The following THSD4 variants were observed in gnomAD, a reference collection of about 807,000 sequenced individuals.
THSD4 encodes thrombospondin type 1 domain containing 4.
In THSD4, 69 loss-of-function variants were observed where a neutral mutation model predicts 119.0. The ratio of observed to expected loss-of-function variants is 0.58; its 90% CI spans 0.48 to 0.71. The LOEUF (loss-of-function observed/expected upper bound fraction) is 0.71, where lower values mean the gene tolerates loss of function less well. Ranked by LOEUF, THSD4 falls within the 30% of genes least tolerant of loss-of-function variation. The pLI is 0.00. For missense variants in THSD4, 1,393 were observed against 1,391.1 expected (o/e 1.00, Z -0.02); for synonymous variants, 524 against 540.4 (o/e 0.97, Z 0.42).
chr15:71,533,533 A>G (rs1281909986), intron 7 of THSD4, among the ~76,000 whole-genome samples: 1 of 152,248 alleles, frequency 6.6e-6, no homozygotes, highest in Non-Finnish European at 1.5e-5. Context: ...AAATGTTTAC[A>G]TTATTTAAGA....
intron 7 of THSD4, among the ~76,000 whole-genome samples, chr15:71,591,269 G>A (rs1030381411): frequency 1.3e-5 from 2 of 152,134 alleles, no homozygotes; most frequent in Admixed American, 6.5e-5. Flanking sequence ...GGTGGAGTTC[G>A]GAATTGCAAT....
chr15:71,218,564 C>G (rs1489453542), intron 4 of THSD4, among the ~76,000 whole-genome samples: 1 of 151,786 alleles, frequency 6.6e-6, no homozygotes, highest in Non-Finnish European at 1.5e-5. Context: ...TTATCATGCT[C>G]TTGTGATTTG....
intron 7 of THSD4, among the ~76,000 whole-genome samples, chr15:71,539,598 C>T (rs8027858): frequency 1.3e-5 from 2 of 152,084 alleles, no homozygotes; most frequent in African/African-American, 4.8e-5. Context: ...TTGATACTCT[C>T]GTTTGTACCA....
chr15:71,648,799 C>T (rs963300770), intron 7 of THSD4, among the ~76,000 whole-genome samples: 5 of 152,100 alleles, frequency 3.3e-5, no homozygotes, highest in African/African-American at 9.7e-5. Context: ...CCAAGGGACG[C>T]GTCTCGAGGA....
At chr15:71,622,514 TGTCTCTTTAC>T (rs1416777199) in intron 7 of THSD4, among the ~76,000 whole-genome samples, 2 of 152,258 alleles carry the variant, frequency 1.3e-5, no homozygotes, top group Non-Finnish European at 2.9e-5. Flanking sequence ...AAATTCCGTA[TGTCTCTTTAC>T]TTCATTGCAA....
intron 3 of THSD4, among the ~76,000 whole-genome samples, chr15:71,156,071 A>G (rs1215837689): frequency 6.6e-6 from 1 of 152,220 alleles, no homozygotes; most frequent in Non-Finnish European, 1.5e-5. Flanking sequence ...GCAACTGAGC[A>G]GATCCTTGAT....
intron 8 of THSD4, among the ~76,000 whole-genome samples, chr15:71,692,992 G>A (rs975610831): frequency 1.3e-5 from 2 of 152,094 alleles, no homozygotes; most frequent in Non-Finnish European, 2.9e-5. Context: ...TGAGAGTGAA[G>A]TCCAAATTGC....
At chr15:71,377,393 C>T (rs1244658889) in intron 6 of THSD4, among the ~76,000 whole-genome samples, 2 of 151,948 alleles carry the variant, frequency 1.3e-5, no homozygotes, top group Non-Finnish European at 2.9e-5. Context: ...TCCTAGGAGA[C>T]AGCAGGAAAG....
chr15:71,354,039 A>G (rs920647561), intron 6 of THSD4, among the ~76,000 whole-genome samples: 3 of 152,252 alleles, frequency 2.0e-5, no homozygotes, highest in East Asian at 1.9e-4. Flanking sequence ...GCTCATGCCC[A>G]TAATCCCAGC....
chr15:71,255,278 A>G (rs771466443), intron 5 of THSD4, among the ~76,000 whole-genome samples: 2 of 152,228 alleles, frequency 1.3e-5, no homozygotes, highest in Non-Finnish European at 2.9e-5. Context: ...TAAACAGAGT[A>G]TAGCTTGGGT....
At position 71,660,626 on chromosome 15, in the gene THSD4, G is replaced by A. The variant is rs201048829; in HGVS notation, c.1249G>A (p.Val417Met). Reference sequence around the variant, plus strand: ...CACGGGCTGTCAGGTTGTGTCGGGCGTGTTTAAGCATGCCCTCACCAGCCT... The same window carrying A: ...CACGGGCTGTCAGGTTGTGTCGGGCATGTTTAAGCATGCCCTCACCAGCCT... ...DNTGCQVVSG[V>M]FKHALTSLGY... Residue 417 changes from valine (V) to methionine (M), a missense_variant, in exon 8 of 18, where the codon GTG (valine) becomes ATG (methionine). Coordinates refer to ENST00000261862, the MANE Select transcript of THSD4 (RefSeq NM_024817.3). 364 of 1,614,180 alleles carry A rather than the reference G, an allele frequency of 2.3e-4. 2 individuals are homozygous for A. In the South Asian group the frequency reaches 2.4e-3, roughly 11 times the overall value.
intron 7 of THSD4, among the ~76,000 whole-genome samples, chr15:71,653,160 G>A (rs1029356737): frequency 2.0e-5 from 3 of 152,188 alleles, no homozygotes; most frequent in African/African-American, 7.2e-5. Context: ...TGTGCTCTTT[G>A]CAATACATAA....
At chr15:71,236,031 G>A (rs952832249) in intron 4 of THSD4, among the ~76,000 whole-genome samples, 2 of 152,122 alleles carry the variant, frequency 1.3e-5, no homozygotes, top group African/African-American at 4.8e-5. Context: ...GGGTTCTCGG[G>A]CTCCACTCCT....
chr15:71,729,753 C>G (rs1311436171), intron 9 of THSD4: 1 of 151,872 alleles, frequency 6.6e-6, no homozygotes, highest in Non-Finnish European at 1.5e-5. Flanking sequence ...ATTTCATAAA[C>G]GGGACAAGGT....
intron 6 of THSD4, among the ~76,000 whole-genome samples, chr15:71,344,881 A>C (rs941287687): frequency 6.6e-6 from 1 of 152,086 alleles, no homozygotes; most frequent in Non-Finnish European, 1.5e-5. Flanking sequence ...TCTGTGTCTC[A>C]GGTCCAGATC....
intron 7 of THSD4, among the ~76,000 whole-genome samples, chr15:71,502,216 C>A (rs1305979201): frequency 6.6e-6 from 1 of 152,130 alleles, no homozygotes; most frequent in Non-Finnish European, 1.5e-5. Flanking sequence ...TCAGGGCAAG[C>A]CCGTGCATCT....
chr15:71,123,192 C>T (rs2040422207), intron 1 of THSD4, among the ~76,000 whole-genome samples: 1 of 152,184 alleles, frequency 6.6e-6, no homozygotes, highest in African/African-American at 2.4e-5. Flanking sequence ...AAGGTCTTGG[C>T]TGCTTCTGAG....
chr15:71,703,687 C>T (rs1195009272), intron 8 of THSD4, among the ~76,000 whole-genome samples: 1 of 152,172 alleles, frequency 6.6e-6, no homozygotes. Context: ...AAGGTTCTAC[C>T]ACAGCCTGGG....
At chr15:71,349,210 T>C (rs2086088752) in intron 6 of THSD4, among the ~76,000 whole-genome samples, 1 of 152,204 alleles carries the variant, frequency 6.6e-6, no homozygotes, top group African/African-American at 2.4e-5. Flanking sequence ...ACAAGGCTAC[T>C]CTGAGTTACA....
Sources: allele counts gnomAD v4.1 joint callset (sites outside exome capture counted in the v4.1 genomes callset), GRCh38; gene constraint gnomAD v4.1.1; transcripts MANE v1.5; gene names NCBI Gene and HGNC (gene_info 2026-07-23, HGNC 2026-07-21).